Variants in ARHGEF37 observed in about 807,000 individuals in gnomAD.
The protein encoded by ARHGEF37 is Rho guanine nucleotide exchange factor (GEF) 37.
In ARHGEF37, 55 loss-of-function variants were observed where a neutral mutation model predicts 71.1. That is an observed-to-expected ratio of 0.77 (90% CI 0.62 to 0.97). ARHGEF37 has a LOEUF of 0.97. Ranked by LOEUF, ARHGEF37 falls within the 50% of genes least tolerant of loss-of-function variation. The pLI is 0.00. For missense variants in ARHGEF37, 765 were observed against 836.8 expected, an observed-to-expected ratio of 0.91 and a Z score of 1.06; for synonymous variants, 327 against 350.6, an observed-to-expected ratio of 0.93 and a Z score of 0.75.
At chr5:149,631,422 C>A (rs1752882508) in intron 12 of ARHGEF37, among the ~76,000 whole-genome samples, 1 of 152,184 alleles carries the variant, frequency 6.6e-6, no homozygotes, top group Non-Finnish European at 1.5e-5. Context: ...CTGCCCTCCT[C>A]TACCTCCCAA....
chr5:149,562,541 C>G (rs1762846755), intron 1 of ARHGEF37, among the ~76,000 whole-genome samples: 1 of 152,172 alleles, frequency 6.6e-6, no homozygotes, highest in Admixed American at 6.5e-5. Context: ...CTCCCGGGTT[C>G]ACGCTATCCT....
At chr5:149,631,949 G>T in intron 12 of ARHGEF37, 33 bp from the exon 13 acceptor site, 1 of 1,609,094 alleles carries the variant, frequency 6.2e-7, no homozygotes, top group South Asian at 1.1e-5. Flanking sequence ...TTCTCACCCT[G>T]ACCATTTCTG....
At chr5:149,603,808 C>T (rs1763828978) in intron 3 of ARHGEF37, among the ~76,000 whole-genome samples, 1 of 152,100 alleles carries the variant, frequency 6.6e-6, no homozygotes, top group Non-Finnish European at 1.5e-5. Context: ...TGGTGGCACA[C>T]ACTTGTAATC....
chr5:149,631,139 C>T (rs996890128), intron 12 of ARHGEF37, among the ~76,000 whole-genome samples: 1 of 107,964 alleles, frequency 9.3e-6, no homozygotes, highest in African/African-American at 3.1e-5. Context: ...TTTCTTTCTT[C>T]CTTCCTTCTT....
intron 1 of ARHGEF37, among the ~76,000 whole-genome samples, chr5:149,586,609 C>T (rs1330669874): frequency 6.6e-6 from 1 of 152,214 alleles, no homozygotes; most frequent in African/African-American, 2.4e-5. Flanking sequence ...GCTGTGTATC[C>T]AGTCAGGAAG....
chr5:149,609,511 T>A (rs1274679040), intron 3 of ARHGEF37, 37 bp from the exon 4 acceptor site: 1 of 1,609,880 alleles, frequency 6.2e-7, no homozygotes, highest in Admixed American at 1.7e-5. Context: ...CACACAGACA[T>A]GCCCTTGACG....
intron 5 of ARHGEF37, 123 bp downstream of exon 5, chr5:149,616,889 G>T: frequency 9.7e-7 from 1 of 1,036,016 alleles, no homozygotes; most frequent in Non-Finnish European, 1.4e-6. Flanking sequence ...AAATCCAGAG[G>T]TAATGCAAGC....
upstream of ARHGEF37, among the ~76,000 whole-genome samples, chr5:149,579,882 G>A (rs900862283): frequency 4.6e-5 from 7 of 151,974 alleles, no homozygotes; most frequent in African/African-American, 7.3e-5. Flanking sequence ...ACCGTGCCCC[G>A]CCAACTGATG....
At chr5:149,615,787 G>A (rs34821745) in intron 4 of ARHGEF37, among the ~76,000 whole-genome samples, 141 of 152,254 alleles carry the variant, frequency 9.3e-4, no homozygotes, top group Admixed American at 2.0e-3. Context: ...AGCTACTCGG[G>A]AGGCTGAGGC....
intron 1 of ARHGEF37, among the ~76,000 whole-genome samples, chr5:149,597,236 T>C (rs1432354152): frequency 6.6e-6 from 1 of 151,944 alleles, no homozygotes; most frequent in Non-Finnish European, 1.5e-5. Flanking sequence ...GGGAAATGAA[T>C]TCAAAATGTC....
In ARHGEF37 at chr5:149,618,334, A is replaced by T. The variant is rs375185991; in HGVS notation, c.789+28A>T. On this transcript the variant is annotated intron_variant, in intron 6 of 12. Transcript: ENST00000333677. ...GAGCGTGCGCCTGGGAGGAAGAGTC[A>T]CATCCAGCCACCCCCAAGGCCAGGC... is the stretch of plus-strand genomic sequence containing the variant. 3.7e-6 allele frequency: 6 copies of T among 1,613,582 alleles called. No homozygotes were observed. The African/African-American group carries it at 8.0e-5, about 22-fold the overall frequency.
chr5:149,577,157 T>A (rs974630905), upstream of ARHGEF37, among the ~76,000 whole-genome samples: 16 of 152,184 alleles, frequency 1.1e-4, no homozygotes, highest in Admixed American at 6.5e-4. Flanking sequence ...ACTTACTTAA[T>A]CTTTCTGAGC....
At chr5:149,557,221 G>A (rs2113227958) in intron 1 of ARHGEF37, among the ~76,000 whole-genome samples, 1 of 152,298 alleles carries the variant, frequency 6.6e-6, no homozygotes, top group East Asian at 1.9e-4. Flanking sequence ...CAAGATGGTG[G>A]ATACCCATGC....
chr5:149,583,253 C>T (rs1455838065), intron 1 of ARHGEF37, among the ~76,000 whole-genome samples: 1 of 152,248 alleles, frequency 6.6e-6, no homozygotes, highest in African/African-American at 2.4e-5. Flanking sequence ...TCTCCTGCCT[C>T]AGCCTCCCAA....
Position 149,620,291 on chromosome 5 carries a change from G to T in ARHGEF37, c.895-63G>T, listed in dbSNP as rs1175546081. 4 of 1,230,744 alleles carry T rather than the reference G, an allele frequency of 3.3e-6. No homozygotes were observed. In the East Asian group the frequency reaches 9.8e-5, roughly 30 times the overall value. The allele number at this position is 1,230,744 out of a possible 1,614,324, so 76.2% of individuals were successfully genotyped here. A position where few individuals can be genotyped will look rare whatever the true frequency, so the allele number is the denominator to read the frequency against. On this transcript the variant is annotated intron_variant, in intron 7 of 12. Transcript: ENST00000333677. ...ACCTCTTCAAGGTATGGTGGAAGGGGATTCCAGCGTAAGATGGCCATGACA... is the reference window on the plus strand; with the variant it reads ...ACCTCTTCAAGGTATGGTGGAAGGGTATTCCAGCGTAAGATGGCCATGACA...
chr5:149,620,487 CCTTT>C, intron 8 of ARHGEF37, 23 bp downstream of exon 8: 2 of 1,548,366 alleles, frequency 1.3e-6, no homozygotes, highest in Non-Finnish European at 1.8e-6. Context: ...TTTCCTTTCT[CCTTT>C]CTTTGTTAGG....
intron 5 of ARHGEF37, 130 bp downstream of exon 5, chr5:149,616,896 A>C (rs1752399050): frequency 1.2e-5 from 12 of 961,650 alleles, no homozygotes; most frequent in Non-Finnish European, 3.0e-6. Context: ...GAGGTAATGC[A>C]AGCTTTAGGT....
At chr5:149,617,785 G>A (rs990275062) in intron 5 of ARHGEF37, among the ~76,000 whole-genome samples, 3 of 152,168 alleles carry the variant, frequency 2.0e-5, no homozygotes, top group Non-Finnish European at 2.9e-5. Context: ...ACCGGGAAGC[G>A]TGGCTCCCAG....
chr5:149,628,674 G>A, intron 11 of ARHGEF37, 135 bp from the exon 12 acceptor site: 1 of 1,198,450 alleles, frequency 8.3e-7, no homozygotes, highest in Non-Finnish European at 1.1e-6. Context: ...GGGGTTCAGG[G>A]TTCCTAGATG....
Sources: allele counts gnomAD v4.1 joint callset (sites outside exome capture counted in the v4.1 genomes callset), GRCh38; gene constraint gnomAD v4.1.1; transcripts MANE v1.5; gene names NCBI Gene and HGNC (gene_info 2026-07-23, HGNC 2026-07-21).